PDE7B: variants seen among roughly 807,000 people sequenced by gnomAD.
PDE7B encodes the protein 3',5'-cyclic-AMP phosphodiesterase 7B.
Under a neutral mutation model 56.2 loss-of-function variants are expected in PDE7B, and 29 were observed. That is an observed-to-expected ratio of 0.52 (90% CI 0.38 to 0.70). The LOEUF (loss-of-function observed/expected upper bound fraction) is 0.70, where lower values mean the gene tolerates loss of function less well. Among genes scored for constraint, PDE7B ranks in the 30% least tolerant of loss-of-function variants. PDE7B has a pLI of 0.00. For missense variants in PDE7B, 490 were observed against 565.0 expected (o/e 0.87, Z 1.35); for synonymous variants, 197 against 196.9 (o/e 1.00, Z 0.00).
At chr6:135,966,951 C>T (rs549625069) in intron 2 of PDE7B, among the ~76,000 whole-genome samples, 10 of 152,164 alleles carry the variant, frequency 6.6e-5, no homozygotes, top group Admixed American at 2.6e-4. Flanking sequence ...CCCCATCTCC[C>T]GTGTTCTGTT....
rs1244613192 is a variant in PDE7B at position 136,114,893 on chromosome 6, A to T, written c.166+6079A>T. On this transcript the variant is annotated intron_variant, in intron 3 of 12. Transcript: ENST00000308191. ...TGGCTCAGCTGGATCTTGCTCCATG[A>T]TGGTGCACTCAGGGCTTCTGGCTGC... 3.3e-5 allele frequency: 5 copies of T among 152,242 alleles called. No individual in the cohort carries two copies. The East Asian group carries it at 9.6e-4, about 29-fold the overall frequency. 9.4% of individuals were successfully genotyped at this position (152,242 alleles called of 1,614,324 possible).
At chr6:135,982,428 T>A (rs114717635) in intron 2 of PDE7B, among the ~76,000 whole-genome samples, 1 of 152,122 alleles carries the variant, frequency 6.6e-6, no homozygotes, top group Non-Finnish European at 1.5e-5. Context: ...TTCTTCTCTC[T>A]GTCTCAACTT....
chr6:136,135,136 C>CT (rs1378767177), intron 3 of PDE7B, among the ~76,000 whole-genome samples: 2 of 152,030 alleles, frequency 1.3e-5, no homozygotes, highest in African/African-American at 4.8e-5. Flanking sequence ...CACAGAAGAG[C>CT]TAATGACATA....
At chr6:135,903,154 G>A (rs1776035784) in intron 1 of PDE7B, among the ~76,000 whole-genome samples, 1 of 152,172 alleles carries the variant, frequency 6.6e-6, no homozygotes, top group Non-Finnish European at 1.5e-5. Flanking sequence ...GGAACAAAGG[G>A]CAAAGATAAG....
chr6:135,991,242 C>A (rs1188223883), intron 2 of PDE7B, among the ~76,000 whole-genome samples: 1 of 152,114 alleles, frequency 6.6e-6, no homozygotes, highest in Admixed American at 6.5e-5. Context: ...GAATGCCTAA[C>A]CTCCTGGGAA....
chr6:136,091,678 A>G (rs1167263063), intron 2 of PDE7B, among the ~76,000 whole-genome samples: 1 of 152,230 alleles, frequency 6.6e-6, no homozygotes, highest in African/African-American at 2.4e-5. Context: ...ATTTGCAGGT[A>G]GTATTGTCTT....
chr6:135,961,315 A>G (rs1277273178), intron 2 of PDE7B, among the ~76,000 whole-genome samples: 1 of 119,418 alleles, frequency 8.4e-6, no homozygotes, highest in African/African-American at 3.6e-5. Flanking sequence ...GTGTGTGTGT[A>G]GTTCAGCTTT....
chr6:135,967,830 A>G (rs1775022593), intron 2 of PDE7B, among the ~76,000 whole-genome samples: 1 of 152,212 alleles, frequency 6.6e-6, no homozygotes, highest in African/African-American at 2.4e-5. Flanking sequence ...AGAGCACATA[A>G]TAGATATCCA....
rs1779277794 is a variant in PDE7B at position 136,194,300 on chromosome 6, A to T, written c.*2460A>T. 1 of 152,152 alleles carries T rather than the reference A, an allele frequency of 6.6e-6. No homozygotes were observed. Among genetic ancestry groups the T allele is most frequent in the South Asian group, 2.1e-4 (1 of 4,832 alleles). The allele number at this position is 152,152 out of a possible 1,614,324, so 9.4% of individuals were successfully genotyped here. A position where few individuals can be genotyped will look rare whatever the true frequency, so the allele number is the denominator to read the frequency against. The stretch of plus-strand genomic sequence containing the variant: ...TTATATAATAATTTAAATAAATGAG[A>T]TTGGAGGTATTCTTAGTAGTTCTGA... On this transcript the variant is annotated 3_prime_UTR_variant, in exon 13 of 13. Transcript: ENST00000308191.
intron 2 of PDE7B, among the ~76,000 whole-genome samples, chr6:136,020,459 T>G (rs530674289): frequency 1.3e-5 from 2 of 152,330 alleles, no homozygotes; most frequent in East Asian, 3.9e-4. Flanking sequence ...GAAATATGCA[T>G]GATAATATAA....
intron 2 of PDE7B, among the ~76,000 whole-genome samples, chr6:135,960,786 C>A (rs746101732): frequency 5.9e-5 from 9 of 152,200 alleles, no homozygotes; most frequent in Non-Finnish European, 1.0e-4. Context: ...ATTCTATCAC[C>A]ATTCCCTAAT....
chr6:135,990,204 T>C (rs1056813689), intron 2 of PDE7B, among the ~76,000 whole-genome samples: 10 of 151,812 alleles, frequency 6.6e-5, no homozygotes, highest in Non-Finnish European at 1.0e-4. Flanking sequence ...CAAGCAATTC[T>C]TCTGCCTCAG....
chr6:136,133,027 C>A (rs1562501046), intron 3 of PDE7B, among the ~76,000 whole-genome samples: 1 of 152,020 alleles, frequency 6.6e-6, no homozygotes, highest in East Asian at 1.9e-4. Flanking sequence ...TATATTCCAA[C>A]CACATATAAA....
At chr6:135,954,701 G>T (rs1336358199) in intron 2 of PDE7B, among the ~76,000 whole-genome samples, 1 of 152,086 alleles carries the variant, frequency 6.6e-6, no homozygotes, top group Non-Finnish European at 1.5e-5. Context: ...CCATTATTTT[G>T]TCTTCTGTTT....
chr6:136,047,087 G>A (rs1286251135), intron 2 of PDE7B, among the ~76,000 whole-genome samples: 2 of 152,196 alleles, frequency 1.3e-5, no homozygotes, highest in East Asian at 3.9e-4. Flanking sequence ...TATGTGCTAG[G>A]CCCTATCCTT....
chr6:135,939,293 CT>C (rs759868766), intron 1 of PDE7B, among the ~76,000 whole-genome samples: 2 of 146,780 alleles, frequency 1.4e-5, no homozygotes, highest in East Asian at 1.9e-4. Context: ...TATCTTTTTT[CT>C]TTTTTTTCTT....
At chr6:135,940,842 C>T in intron 1 of PDE7B, among the ~76,000 whole-genome samples, 1 of 152,204 alleles carries the variant, frequency 6.6e-6, no homozygotes, top group Non-Finnish European at 1.5e-5. Context: ...CAGAAAACTT[C>T]AGAATAGCCC....
chr6:136,106,179 A>C (rs915660882), intron 2 of PDE7B, among the ~76,000 whole-genome samples: 4 of 152,248 alleles, frequency 2.6e-5, no homozygotes, highest in Admixed American at 2.6e-4. Context: ...TTTGTAGATA[A>C]AATCTATACA....
chr6:135,913,588 C>T lies in PDE7B; in HGVS notation c.22-33876C>T, dbSNP rs79249551. Among the ~76,000 whole-genome samples the T allele has an allele frequency of 7.9e-3, 1,196 of 152,072 alleles. 5 individuals carry two copies. The highest frequency in any genetic ancestry group is 0.021 in the Middle Eastern group (6 of 292). On this transcript the variant is annotated intron_variant, in intron 1 of 12. Transcript: ENST00000308191. ...TGCCTGTCCCACCTTTTAGTAGGTA[C>T]CTTGATTCAAAAAGAGTTCTTAAAA...
Sources: gnomAD v4.1 joint callset for allele counts (sites outside exome capture counted in the v4.1 genomes callset) on GRCh38, gnomAD v4.1.1 for gene constraint, MANE v1.5 for transcripts, NCBI Gene and HGNC (gene_info 2026-07-23, HGNC 2026-07-21) for gene names.